The following TCERG1L variants were observed in gnomAD, a reference collection of about 807,000 sequenced individuals.
TCERG1L encodes transcription elongation regulator 1-like protein.
TCERG1L carries 37 observed loss-of-function variants against 56.3 expected under a neutral mutation model. That is an observed-to-expected ratio of 0.66 (90% CI 0.51 to 0.87). The LOEUF is 0.87. TCERG1L is among the 40% of genes least tolerant of loss of function. The pLI is 0.00. For missense variants in TCERG1L, 799 were observed against 774.2 expected (o/e 1.03, Z -0.38); for synonymous variants, 324 against 326.3 (o/e 0.99, Z 0.08).
chr10:131,279,955 C>A (rs143162687), intron 3 of TCERG1L, among the ~76,000 whole-genome samples: 20 of 152,078 alleles, frequency 1.3e-4, no homozygotes, highest in Admixed American at 1.3e-3. Context: ...ATGTGGAATG[C>A]GACCCAGCAG....
chr10:131,094,513 T>A (rs1183468395), intron 11 of TCERG1L, among the ~76,000 whole-genome samples: 1 of 152,228 alleles, frequency 6.6e-6, no homozygotes. Flanking sequence ...CTCATTTCTG[T>A]CATTGAACAA....
At chr10:131,291,657 A>G (rs1846628494) in intron 3 of TCERG1L, among the ~76,000 whole-genome samples, 1 of 150,662 alleles carries the variant, frequency 6.6e-6, no homozygotes, top group South Asian at 2.1e-4. Flanking sequence ...CGATCTCCTG[A>G]CCTCGTGATC....
intron 3 of TCERG1L, among the ~76,000 whole-genome samples, chr10:131,294,001 A>T (rs1163275134): frequency 6.6e-6 from 1 of 152,084 alleles, no homozygotes; most frequent in East Asian, 1.9e-4. Context: ...TGCTCTCTGT[A>T]ATTTCCTGAG....
intron 4 of TCERG1L, among the ~76,000 whole-genome samples, chr10:131,173,732 G>A (rs147716321): frequency 6.6e-6 from 1 of 152,262 alleles, no homozygotes; most frequent in Non-Finnish European, 1.5e-5. Context: ...TGCAGGGAAG[G>A]TTGGTGGCAG....
At position 131,190,237 on chromosome 10, in the gene TCERG1L, C is replaced by T. The variant is rs115800316; in HGVS notation, c.857-23352G>A. On this transcript the variant is annotated intron_variant, in intron 4 of 11. Coordinates refer to ENST00000368642, the MANE Select transcript of TCERG1L (RefSeq NM_174937.4). Reference sequence around the variant, plus strand: ...AGAATAAATCAGGAGGAAATAGAAACGCTGAGCACACCAAAAAACAAGCAG... The same window carrying T: ...AGAATAAATCAGGAGGAAATAGAAATGCTGAGCACACCAAAAAACAAGCAG... Among the ~76,000 whole-genome samples the T allele has an allele frequency of 6.5e-3, 982 of 152,132 alleles. 9 individuals carry two copies. Among genetic ancestry groups the T allele is most frequent in the Middle Eastern group, 0.024 (7 of 294 alleles).
At chr10:131,293,042 C>T (rs547108405) in intron 3 of TCERG1L, among the ~76,000 whole-genome samples, 7 of 152,000 alleles carry the variant, frequency 4.6e-5, no homozygotes, top group Non-Finnish European at 8.8e-5. Context: ...GTAGAGACAG[C>T]GTTTCGCCAT....
chr10:131,238,214 C>T (rs1845934108), intron 4 of TCERG1L, among the ~76,000 whole-genome samples: 1 of 152,176 alleles, frequency 6.6e-6, no homozygotes, highest in African/African-American at 2.4e-5. Context: ...GGAAACGGCC[C>T]CCACGTGCTG....
At chr10:131,132,013 A>C (rs1845623594) in intron 8 of TCERG1L, among the ~76,000 whole-genome samples, 1 of 152,204 alleles carries the variant, frequency 6.6e-6, no homozygotes, top group Non-Finnish European at 1.5e-5. Context: ...AGAGGGATCA[A>C]AATGCCATGT....
chr10:131,146,833 A>G (rs557166923), intron 6 of TCERG1L, among the ~76,000 whole-genome samples, 173 bp from the exon 7 acceptor site: 1 of 152,318 alleles, frequency 6.6e-6, no homozygotes, highest in African/African-American at 2.4e-5. Flanking sequence ...AGGTGACCTT[A>G]CGGATCTGAC....
chr10:131,214,808 G>C (rs992714045), intron 4 of TCERG1L, among the ~76,000 whole-genome samples: 2 of 152,244 alleles, frequency 1.3e-5, no homozygotes, highest in Non-Finnish European at 2.9e-5. Flanking sequence ...CACTGAGAAA[G>C]ACATTTGACA....
At chr10:131,176,547 G>A (rs1374216515) in intron 4 of TCERG1L, among the ~76,000 whole-genome samples, 1 of 150,306 alleles carries the variant, frequency 6.7e-6, no homozygotes, top group South Asian at 2.1e-4. Context: ...TACACCCACA[G>A]AGATAGGCAC....
chr10:131,192,815 C>T (rs116403015), intron 4 of TCERG1L, among the ~76,000 whole-genome samples: 2,161 of 143,296 alleles, frequency 0.015, 342 homozygotes, highest in African/African-American at 0.052. Flanking sequence ...TATGAGTATG[C>T]GAAAGCATAC....
At position 131,260,508 on chromosome 10, in the gene TCERG1L, A is replaced by G; in HGVS notation, c.671-64T>C. 1.5e-6 allele frequency: 2 copies of G among 1,323,252 alleles called. No individual in the cohort carries two copies. Among genetic ancestry groups the G allele is most frequent in the Non-Finnish European group, 1.9e-6 (2 of 1,033,350 alleles). The allele number at this position is 1,323,252 out of a possible 1,614,324, so 82.0% of individuals were successfully genotyped here. ...CCAGGGCCATGGGTGACAGATGCCC[A>G]TCTCGCTACCGCAAGATATCAGCCC... On this transcript the variant is annotated intron_variant, in intron 3 of 11. Coordinates refer to ENST00000368642, the MANE Select transcript of TCERG1L (RefSeq NM_174937.4). This position sits in a 1 kb window ranked among gnomAD's most constrained non-coding sequence, Gnocchi z 5.8.
At chr10:131,208,313 C>G (rs1845567411) in intron 4 of TCERG1L, among the ~76,000 whole-genome samples, 1 of 152,186 alleles carries the variant, frequency 6.6e-6, no homozygotes, top group African/African-American at 2.4e-5. Context: ...CTGTGTCACC[C>G]TCTGGCCACA....
chr10:131,246,055 CCAG>C (rs1318233747), intron 4 of TCERG1L, among the ~76,000 whole-genome samples: 1 of 152,176 alleles, frequency 6.6e-6, no homozygotes, highest in African/African-American at 2.4e-5. Context: ...ACACAGAGAA[CCAG>C]CCCTGCTGGG....
At chr10:131,157,865 G>C (rs752397669) in intron 6 of TCERG1L, among the ~76,000 whole-genome samples, 1 of 152,220 alleles carries the variant, frequency 6.6e-6, no homozygotes, top group Non-Finnish European at 1.5e-5. Flanking sequence ...GTAGAATGTG[G>C]AATAGGTTTT....
chr10:131,252,965 T>C (rs1342331417), intron 4 of TCERG1L, among the ~76,000 whole-genome samples: 1 of 152,164 alleles, frequency 6.6e-6, no homozygotes, highest in East Asian at 1.9e-4. Context: ...TGGTCCCTGC[T>C]TGAAGACCAC....
intron 4 of TCERG1L, among the ~76,000 whole-genome samples, chr10:131,198,151 T>C (rs771620472): frequency 6.6e-6 from 1 of 152,244 alleles, no homozygotes; most frequent in African/African-American, 2.4e-5. Context: ...GGTCTGGGCA[T>C]CCTGGTATGT....
intron 6 of TCERG1L, among the ~76,000 whole-genome samples, chr10:131,158,192 T>C (rs1266107702): frequency 2.0e-5 from 3 of 152,254 alleles, no homozygotes; most frequent in Non-Finnish European, 4.4e-5. Context: ...TACCAGCTCC[T>C]GCAGGGAATG....
Sources: gnomAD v4.1 joint callset for allele counts (sites outside exome capture counted in the v4.1 genomes callset) on GRCh38, gnomAD v4.1.1 for gene constraint, Gnocchi (gnomAD v3.1) non-coding constraint, MANE v1.5 for transcripts, NCBI Gene and HGNC (gene_info 2026-07-23, HGNC 2026-07-21) for gene names.